The following DRC8 variants were observed in gnomAD, a reference collection of about 807,000 sequenced individuals.
The protein encoded by DRC8 is dynein regulatory complex subunit 8, also known as dynein regulatory complex protein 8.
the DRC8 span, chr1:244,971,207 A>AAG: frequency 1.7e-4 from 25 of 151,222 alleles, no homozygotes; most frequent in African/African-American, 5.6e-4. Flanking sequence ...CTTGTCTTAA[A>AAG]AAAAAAAAAA....
At chr1:245,076,996 A>G in the DRC8 span, among the ~76,000 whole-genome samples, 7 of 152,168 alleles carry the variant, frequency 4.6e-5, no homozygotes, top group Admixed American at 1.3e-4. Flanking sequence ...AAGTGCTGGG[A>G]TTACAGGCGT....
chr1:245,103,987 C>T, the DRC8 span, among the ~76,000 whole-genome samples: 3 of 152,208 alleles, frequency 2.0e-5, no homozygotes, highest in East Asian at 3.9e-4. Context: ...ACGGAATACG[C>T]CGAGCCAGCG....
At chr1:245,099,707 A>T in the DRC8 span, among the ~76,000 whole-genome samples, 805 of 152,362 alleles carry the variant, frequency 5.3e-3, 10 homozygotes, top group African/African-American at 0.018. Flanking sequence ...TGAGAAGACG[A>T]TGTGAGGAAG....
chr1:245,116,627 AC>A, the DRC8 span, among the ~76,000 whole-genome samples: 1 of 152,210 alleles, frequency 6.6e-6, no homozygotes, highest in Non-Finnish European at 1.5e-5. Context: ...TGTATTTTAT[AC>A]CATATAGATA....
At chr1:245,073,908 G>A in the DRC8 span, among the ~76,000 whole-genome samples, 1 of 152,014 alleles carries the variant, frequency 6.6e-6, no homozygotes, top group African/African-American at 2.4e-5. Flanking sequence ...TCTGTAACAA[G>A]AAAAAGAAGA....
At chr1:245,079,685 T>C in the DRC8 span, among the ~76,000 whole-genome samples, 119 of 152,336 alleles carry the variant, frequency 7.8e-4, no homozygotes, top group Non-Finnish European at 1.4e-3. Flanking sequence ...AGGTTGAGAC[T>C]GCCTGCTCTA....
At chr1:245,104,312 T>C in the DRC8 span, among the ~76,000 whole-genome samples, 5 of 152,058 alleles carry the variant, frequency 3.3e-5, no homozygotes, top group Non-Finnish European at 5.9e-5. Flanking sequence ...GAGAACAGCC[T>C]GACCAACATG....
At chr1:245,113,277 C>T in the DRC8 span, among the ~76,000 whole-genome samples, 4 of 152,242 alleles carry the variant, frequency 2.6e-5, no homozygotes, top group South Asian at 8.3e-4. Context: ...TTCCCAGGCG[C>T]TCCTTCATAA....
At chr1:245,111,344 G>T in the DRC8 span, among the ~76,000 whole-genome samples, 6 of 152,260 alleles carry the variant, frequency 3.9e-5, no homozygotes, top group Non-Finnish European at 7.4e-5. Flanking sequence ...CCTGCTGACC[G>T]CAGGGCAAAG....
the DRC8 span, among the ~76,000 whole-genome samples, chr1:245,118,338 G>T: frequency 6.6e-6 from 1 of 152,196 alleles, no homozygotes; most frequent in Non-Finnish European, 1.5e-5. Flanking sequence ...GCTGGGCTTG[G>T]CTGGGGAGGG....
chr1:245,088,712 C>T, the DRC8 span, among the ~76,000 whole-genome samples: 3 of 152,154 alleles, frequency 2.0e-5, no homozygotes, highest in South Asian at 4.1e-4. This position sits in a 1 kb window ranked among gnomAD's most constrained non-coding sequence, Gnocchi z 4.6. Flanking sequence ...TGCTAGTGAG[C>T]GGAGAAGGCT....
the DRC8 span, among the ~76,000 whole-genome samples, chr1:245,027,386 A>G: frequency 5.9e-4 from 89 of 149,678 alleles, 1 homozygote; most frequent in African/African-American, 2.3e-3. Flanking sequence ...ATATTGAAGA[A>G]AAAATCTAGG....
At chr1:245,058,485 A>G in the DRC8 span, among the ~76,000 whole-genome samples, 1 of 152,192 alleles carries the variant, frequency 6.6e-6, no homozygotes, top group Admixed American at 6.5e-5. Context: ...ATTCTTATTT[A>G]AAACGTTTTC....
the DRC8 span, among the ~76,000 whole-genome samples, chr1:245,076,130 A>G: frequency 6.6e-6 from 1 of 152,230 alleles, no homozygotes; most frequent in African/African-American, 2.4e-5. Flanking sequence ...AGGTGGGTCT[A>G]CACTGTGGGT....
the DRC8 span, among the ~76,000 whole-genome samples, chr1:245,039,888 TTGC>T: frequency 6.6e-6 from 1 of 152,210 alleles, no homozygotes; most frequent in Non-Finnish European, 1.5e-5. Context: ...ATACATGATG[TTGC>T]TCTGCTTTAG....
At chr1:245,032,729 A>G in the DRC8 span, among the ~76,000 whole-genome samples, 2 of 152,210 alleles carry the variant, frequency 1.3e-5, no homozygotes, top group African/African-American at 4.8e-5. Context: ...TTATTAGGAA[A>G]TGAATCTGTA....
At chr1:245,118,830 G>GAAAAA in the DRC8 span, among the ~76,000 whole-genome samples, 1 of 115,570 alleles carries the variant, frequency 8.7e-6, no homozygotes, top group African/African-American at 3.7e-5. Flanking sequence ...GAAAAGAAAA[G>GAAAAA]AAAAGAAAAA....
chr1:245,116,836 GC>G, the DRC8 span, among the ~76,000 whole-genome samples: 3 of 152,158 alleles, frequency 2.0e-5, no homozygotes, highest in Non-Finnish European at 4.4e-5. Flanking sequence ...TTTCTTGTGT[GC>G]TGTGTAGTAC....
At chr1:245,014,094 GAATTTGAAGTGATTTTAACTT>G in the DRC8 span, among the ~76,000 whole-genome samples, 1 of 149,452 alleles carries the variant, frequency 6.7e-6, no homozygotes, top group Non-Finnish European at 1.5e-5. Context: ...ACTCTGGGTA[GAATTTGAAGTGATTTTAACTT>G]AAACTTTCAT....
Sources: gnomAD v4.1 joint callset for allele counts (sites outside exome capture counted in the v4.1 genomes callset) on GRCh38, gnomAD v4.1.1 for gene constraint, Gnocchi (gnomAD v3.1) non-coding constraint, MANE v1.5 for transcripts, NCBI Gene and HGNC (gene_info 2026-07-23, HGNC 2026-07-21) for gene names.